STIM1: variants seen among roughly 807,000 people sequenced by gnomAD.
The protein encoded by STIM1 is stromal interaction molecule 1.
A neutral mutation model predicts 74.7 loss-of-function variants in STIM1; 25 were observed. That is an observed-to-expected ratio of 0.33 (90% confidence interval 0.24 to 0.47). The LOEUF is 0.47. Ranked by LOEUF, STIM1 falls within the 20% of genes least tolerant of loss-of-function variation. The probability of loss-of-function intolerance (pLI) is 1.00; values close to 1 mark genes in which losing one functional copy is unlikely to be tolerated. For missense variants in STIM1, 728 were observed against 920.8 expected (o/e 0.79, Z 2.71); for synonymous variants, 328 against 348.8 (o/e 0.94, Z 0.66).
intron 2 of STIM1, among the ~76,000 whole-genome samples, chr11:3,991,686 C>T (rs35073107): frequency 0.02 from 2,998 of 151,544 alleles, 43 homozygotes; most frequent in Non-Finnish European, 0.03. Flanking sequence ...CGGTGGCTCA[C>T]GCCTGTAATA....
chr11:3,892,171 A>T (rs545307111), intron 1 of STIM1, among the ~76,000 whole-genome samples: 1 of 152,166 alleles, frequency 6.6e-6, no homozygotes, highest in East Asian at 1.9e-4. Flanking sequence ...TTTATGTTTT[A>T]TTTATTTATT....
At chr11:3,978,051 G>A (rs1192488162) in intron 2 of STIM1, among the ~76,000 whole-genome samples, 1 of 152,008 alleles carries the variant, frequency 6.6e-6, no homozygotes, top group Non-Finnish European at 1.5e-5. Context: ...TTAAGTGGTT[G>A]ATATTAAGAG....
intron 1 of STIM1, among the ~76,000 whole-genome samples, chr11:3,948,686 C>T (rs984403987): frequency 1.3e-5 from 2 of 152,274 alleles, no homozygotes; most frequent in East Asian, 1.9e-4. Context: ...GTTCTTTTTA[C>T]ACTTATCTTC....
chr11:3,990,140 A>C (rs1364205544), intron 2 of STIM1, among the ~76,000 whole-genome samples: 2 of 152,198 alleles, frequency 1.3e-5, no homozygotes, highest in Non-Finnish European at 2.9e-5. Flanking sequence ...AAATTCAATC[A>C]TATAATATGT....
intron 2 of STIM1, among the ~76,000 whole-genome samples, chr11:4,003,428 T>TTCAA (rs1431314863): frequency 2.0e-5 from 3 of 150,408 alleles, no homozygotes; most frequent in Admixed American, 6.6e-5. Context: ...GCAAGGCTGG[T>TTCAA]TCAATATACA....
chr11:3,862,459 A>G (rs1217562939), intron 1 of STIM1, among the ~76,000 whole-genome samples: 1 of 152,104 alleles, frequency 6.6e-6, no homozygotes, highest in Non-Finnish European at 1.5e-5. Context: ...TCTACAGGTG[A>G]TAGAGGAGGG....
chr11:3,922,338 T>G (rs1454838290), intron 1 of STIM1, among the ~76,000 whole-genome samples: 3 of 152,204 alleles, frequency 2.0e-5, no homozygotes, highest in Non-Finnish European at 4.4e-5. Flanking sequence ...ATATGTGTAT[T>G]TAATATCTGG....
intron 1 of STIM1, among the ~76,000 whole-genome samples, chr11:3,961,871 G>C (rs1053754585): frequency 1.3e-5 from 2 of 152,164 alleles, no homozygotes; most frequent in Admixed American, 1.3e-4. Context: ...TAAAGCATAG[G>C]AGAAAATTGT....
chr11:3,989,307 T>G (rs1289449623), intron 2 of STIM1: 9 of 924,822 alleles, frequency 9.7e-6, no homozygotes, highest in African/African-American at 3.2e-5. Flanking sequence ...TCCCTTTTGT[T>G]TGCACTTGTT....
At chr11:4,008,456 C>G (rs1244555987) in intron 2 of STIM1, among the ~76,000 whole-genome samples, 2 of 152,120 alleles carry the variant, frequency 1.3e-5, no homozygotes, top group Non-Finnish European at 2.9e-5. Flanking sequence ...ACAAAAACAT[C>G]ACCAAACTTA....
intron 1 of STIM1, among the ~76,000 whole-genome samples, chr11:3,861,785 T>C (rs1042331799): frequency 2.0e-5 from 3 of 152,202 alleles, no homozygotes; most frequent in East Asian, 1.9e-4. Flanking sequence ...ATTCTATCTA[T>C]GGGCCCCTTA....
chr11:3,966,844 G>C (rs1210785910), intron 1 of STIM1, among the ~76,000 whole-genome samples: 1 of 152,174 alleles, frequency 6.6e-6, no homozygotes, highest in African/African-American at 2.4e-5. Flanking sequence ...AGCTAAGGTG[G>C]CCTAGGCTCT....
At chr11:3,917,233 G>A (rs2092658055) in intron 1 of STIM1, among the ~76,000 whole-genome samples, 1 of 152,150 alleles carries the variant, frequency 6.6e-6, no homozygotes, top group South Asian at 2.1e-4. Context: ...TAGTCAGGTA[G>A]CAAGTCTGTA....
intron 2 of STIM1, among the ~76,000 whole-genome samples, chr11:4,009,337 G>T (rs934363372): frequency 1.3e-4 from 20 of 151,380 alleles, no homozygotes; most frequent in African/African-American, 4.6e-4. Flanking sequence ...TTGTGGCCGG[G>T]TGTGGTGGCT....
chr11:3,891,522 C>A (rs12271076), intron 1 of STIM1, among the ~76,000 whole-genome samples: 1 of 152,010 alleles, frequency 6.6e-6, no homozygotes, highest in Non-Finnish European at 1.5e-5. Flanking sequence ...TGACTTCAGG[C>A]GATCTTCTCA....
intron 1 of STIM1, among the ~76,000 whole-genome samples, chr11:3,948,575 T>C (rs999055907): frequency 6.6e-6 from 1 of 152,192 alleles, no homozygotes; most frequent in Non-Finnish European, 1.5e-5. Flanking sequence ...CAAATTATGA[T>C]GACAAATCAA....
At chr11:3,875,979 A>G (rs2091296100) in intron 1 of STIM1, among the ~76,000 whole-genome samples, 1 of 152,172 alleles carries the variant, frequency 6.6e-6, no homozygotes. Context: ...TAGATATGAA[A>G]TGTTCTTAGG....
intron 1 of STIM1, among the ~76,000 whole-genome samples, chr11:3,921,327 GA>G (rs1164184570): frequency 6.6e-6 from 1 of 152,062 alleles, no homozygotes; most frequent in African/African-American, 2.4e-5. Flanking sequence ...GTTTCAGTCA[GA>G]AAAAAGGATT....
chr11:3,908,070 A>G (rs1220863399), intron 1 of STIM1, among the ~76,000 whole-genome samples: 1 of 152,048 alleles, frequency 6.6e-6, no homozygotes, highest in Non-Finnish European at 1.5e-5. Flanking sequence ...CAGGCCTTTC[A>G]CCTTGCACCC....
Sources: allele counts gnomAD v4.1 joint callset (sites outside exome capture counted in the v4.1 genomes callset), GRCh38; gene constraint gnomAD v4.1.1; transcripts MANE v1.5; gene names NCBI Gene and HGNC (gene_info 2026-07-23, HGNC 2026-07-21).